Variants in CPLX2 observed in about 807,000 individuals in gnomAD.
The protein encoded by CPLX2 is complexin-2.
A neutral mutation model predicts 16.3 loss-of-function variants in CPLX2; 5 were observed. The observed-to-expected ratio is 0.31, with a 90% CI of 0.16 to 0.64. CPLX2 has a LOEUF of 0.64. CPLX2 is among the 30% of genes least tolerant of loss of function. CPLX2 has a pLI of 0.79. For missense variants in CPLX2, 144 were observed against 181.4 expected, an observed-to-expected ratio of 0.79 and a Z score of 1.18; for synonymous variants, 89 against 73.2, an observed-to-expected ratio of 1.22 and a Z score of -1.10.
upstream of CPLX2, among the ~76,000 whole-genome samples, chr5:175,869,612 C>T (rs79707009): frequency 2.4e-3 from 364 of 152,280 alleles, 4 homozygotes; most frequent in East Asian, 7.5e-3. Flanking sequence ...CGTTACTAAG[C>T]GGGGGAATTA....
At chr5:175,844,269 A>C (rs1759000961) in intron 2 of CPLX2, among the ~76,000 whole-genome samples, 1 of 152,260 alleles carries the variant, frequency 6.6e-6, no homozygotes, top group Non-Finnish European at 1.5e-5. Flanking sequence ...ACAGGGGCTC[A>C]TTCCCAGAAA....
chr5:175,799,539 C>CATATATATATTTTTATATATAT (rs1227041477), intron 1 of CPLX2, among the ~76,000 whole-genome samples: 2 of 72,276 alleles, frequency 2.8e-5, no homozygotes, highest in Non-Finnish European at 5.2e-5. Flanking sequence ...TTGCAAATTT[C>CATATATATATTTTTATATATAT]ATATATATAT....
chr5:175,877,166 G>A (rs1176211912), intron 1 of CPLX2, among the ~76,000 whole-genome samples: 1 of 151,804 alleles, frequency 6.6e-6, no homozygotes, highest in African/African-American at 2.4e-5. Context: ...ATAGCTGCCT[G>A]GATTTTGAAC....
intron 2 of CPLX2, among the ~76,000 whole-genome samples, chr5:175,853,557 C>G (rs1489663168): frequency 6.6e-6 from 1 of 152,180 alleles, no homozygotes; most frequent in East Asian, 1.9e-4. Context: ...TGGCAAATAT[C>G]TGTCTATTGT....
chr5:175,835,707 A>C (rs377260224), intron 2 of CPLX2, among the ~76,000 whole-genome samples: 1 of 35,504 alleles, frequency 2.8e-5, no homozygotes, highest in Non-Finnish European at 6.3e-5. Context: ...AGTGGTTTTT[A>C]TTTATTTATT....
Position 175,797,981 on chromosome 5 carries a change from C to T in CPLX2, c.-169+1197C>T, listed in dbSNP as rs374077856. On this transcript the variant is annotated intron_variant, in intron 1 of 4. Coordinates refer to the CPLX2 transcript ENST00000359546. ...CGTGACACTCTAGATCACTGATTGT[C>T]TCCGCGGAAGACAAGGCCTAGGGGG... Among the ~76,000 whole-genome samples, 3 of 152,290 alleles carry T rather than the reference C, an allele frequency of 2.0e-5. No individual in the cohort carries two copies. In the East Asian group the frequency reaches 5.8e-4, roughly 29 times the overall value.
At chr5:175,808,121 G>T (rs59602354) in intron 1 of CPLX2, among the ~76,000 whole-genome samples, 1 of 152,166 alleles carries the variant, frequency 6.6e-6, no homozygotes, top group Non-Finnish European at 1.5e-5. Context: ...CGCCCAGTGG[G>T]GGCCTGGCTG....
chr5:175,842,867 CA>C (rs374762727), intron 2 of CPLX2, among the ~76,000 whole-genome samples: 18 of 152,320 alleles, frequency 1.2e-4, no homozygotes, highest in African/African-American at 3.6e-4. Flanking sequence ...AAAGAAAGAC[CA>C]GGGGCCCTAG....
At chr5:175,803,286 G>A (rs544301532) in intron 1 of CPLX2, among the ~76,000 whole-genome samples, 1 of 152,334 alleles carries the variant, frequency 6.6e-6, no homozygotes, top group East Asian at 1.9e-4. Context: ...AAGCTGGAGA[G>A]ACAGGGAAGA....
chr5:175,816,558 C>T (rs144734370), intron 2 of CPLX2, among the ~76,000 whole-genome samples: 35 of 152,354 alleles, frequency 2.3e-4, no homozygotes, highest in African/African-American at 7.2e-4. Flanking sequence ...CCTATCTCAC[C>T]ATCAGGGGCG....
chr5:175,823,402 A>G (rs1758549451), intron 2 of CPLX2, among the ~76,000 whole-genome samples: 1 of 152,218 alleles, frequency 6.6e-6, no homozygotes, highest in South Asian at 2.1e-4. Context: ...GGTGGAGCGT[A>G]TGAACGATGG....
intron 2 of CPLX2, among the ~76,000 whole-genome samples, chr5:175,832,247 G>A (rs1343168998): frequency 6.6e-6 from 1 of 152,200 alleles, no homozygotes; most frequent in East Asian, 1.9e-4. Flanking sequence ...CTGGCCCTGT[G>A]CTCAGTGCCA....
At chr5:175,860,119 G>A (rs1015876837) in intron 2 of CPLX2, among the ~76,000 whole-genome samples, 3 of 152,214 alleles carry the variant, frequency 2.0e-5, no homozygotes, top group African/African-American at 7.2e-5. Flanking sequence ...CCCTCGGGCA[G>A]GCCCTCCCCA....
chr5:175,826,789 TGAAGA>T (rs1332712003), intron 2 of CPLX2, among the ~76,000 whole-genome samples: 1 of 152,114 alleles, frequency 6.6e-6, no homozygotes, highest in East Asian at 1.9e-4. Context: ...CCCTCAAAAC[TGAAGA>T]GAAAACTTAC....
chr5:175,870,765 G>A (rs1352772260), upstream of CPLX2, among the ~76,000 whole-genome samples: 5 of 152,206 alleles, frequency 3.3e-5, no homozygotes, highest in African/African-American at 1.2e-4. Flanking sequence ...TTTTGCCAGA[G>A]GAGTCCTTAT....
At chr5:175,796,581 G>T in exon 1 of CPLX2, 1 of 152,448 alleles carries the variant, frequency 6.6e-6, no homozygotes, top group Non-Finnish European at 1.5e-5. Context: ...TTAGGGGGAG[G>T]CCTCTGGGCT....
intron 1 of CPLX2, among the ~76,000 whole-genome samples, chr5:175,802,806 G>GCTTC (rs1049080583): frequency 7.2e-5 from 11 of 151,994 alleles, no homozygotes; most frequent in African/African-American, 2.2e-4. Context: ...CAACAAATGT[G>GCTTC]CTTCCTTCCT....
chr5:175,847,066 AG>A (rs1413609223), intron 2 of CPLX2, among the ~76,000 whole-genome samples: 1 of 152,184 alleles, frequency 6.6e-6, no homozygotes, highest in Non-Finnish European at 1.5e-5. Context: ...AGGAAGCAAA[AG>A]GGAGACCCCC....
At chr5:175,847,850 T>C (rs1759077696) in intron 2 of CPLX2, among the ~76,000 whole-genome samples, 1 of 152,098 alleles carries the variant, frequency 6.6e-6, no homozygotes, top group African/African-American at 2.4e-5. Context: ...TCTCCTCCAA[T>C]CCACATGTCT....
Sources: allele counts gnomAD v4.1 joint callset (sites outside exome capture counted in the v4.1 genomes callset), GRCh38; gene constraint gnomAD v4.1.1; transcripts MANE v1.5; gene names NCBI Gene and HGNC (gene_info 2026-07-23, HGNC 2026-07-21).